Variants in LGMN observed in about 807,000 individuals in gnomAD.
LGMN encodes legumain, also known as asparaginyl endopeptidase.
LGMN carries 36 observed loss-of-function variants against 56.8 expected under a neutral mutation model. The observed-to-expected ratio is 0.63, with a 90% CI of 0.49 to 0.84. LGMN has a LOEUF of 0.84. Among genes scored for constraint, LGMN ranks in the 40% least tolerant of loss-of-function variants. The probability of loss-of-function intolerance (pLI) is 0.00; values close to 1 mark genes in which losing one functional copy is unlikely to be tolerated. For synonymous variants in LGMN, 199 were observed against 210.1 expected, an observed-to-expected ratio of 0.95 and a Z score of 0.46; for missense variants, 446 against 556.1, an observed-to-expected ratio of 0.80 and a Z score of 1.99.
At chr14:92,719,011 A>G (rs1311197612) in intron 2 of LGMN, among the ~76,000 whole-genome samples, 167 bp from the exon 3 acceptor site, 1 of 152,154 alleles carries the variant, frequency 6.6e-6, no homozygotes, top group Non-Finnish European at 1.5e-5. Context: ...TTTTATCTCA[A>G]TTTAAAAAGA....
chr14:92,739,020 A>T (rs574966518), intron 1 of LGMN, among the ~76,000 whole-genome samples: 197 of 151,514 alleles, frequency 1.3e-3, no homozygotes, highest in African/African-American at 4.6e-3. Flanking sequence ...TCTGTCTCAA[A>T]AAAAAAAAAA....
At chr14:92,727,564 G>A (rs1012311999) in intron 2 of LGMN, among the ~76,000 whole-genome samples, 21 of 151,768 alleles carry the variant, frequency 1.4e-4, no homozygotes, top group African/African-American at 4.3e-4. Flanking sequence ...GAAGGCACCC[G>A]ATGTGCTGGC....
rs566759201 is a variant in LGMN, at chr14:92,718,565, C to T, written c.236+182G>A. Among the ~76,000 whole-genome samples the T allele has an allele frequency of 6.7e-4, 101 of 151,632 alleles. 1 individual carries two copies. The highest frequency in any genetic ancestry group is 2.1e-4 in the Non-Finnish European group (14 of 67,968). ...CTCCAGCCTGGGCAACAGAGCAAGA[C>T]TGTCTCAAATAAATAATAATAAAAA... On this transcript the variant is annotated intron_variant, in intron 3 of 13. Transcript: ENST00000334869.
At chr14:92,708,994 G>A (rs1027008176) in intron 11 of LGMN, among the ~76,000 whole-genome samples, 4 of 152,074 alleles carry the variant, frequency 2.6e-5, no homozygotes, top group Middle Eastern at 3.2e-3. Flanking sequence ...GCAGCCCTCT[G>A]CCCAGCATTC....
In LGMN at chr14:92,731,132, G is replaced by A. The variant is rs148802847; in HGVS notation, c.138+1517C>T. Among the ~76,000 whole-genome samples, 604 of 152,164 alleles carry A rather than the reference G, an allele frequency of 4.0e-3. 3 individuals carry two copies. The highest frequency in any genetic ancestry group is 0.02 in the Middle Eastern group (6 of 294). ...TGCCTATGCCTCAGTCCAATCATTC[G>A]TAAAGAGGGAGTAAGAACTGGACCA... On this transcript the variant is annotated intron_variant, in intron 2 of 13. Transcript: ENST00000334869.
At chr14:92,741,299 C>A (rs1256289144) in intron 1 of LGMN, 1 of 152,114 alleles carries the variant, frequency 6.6e-6, no homozygotes, top group Non-Finnish European at 1.5e-5. Context: ...TAAATTATCA[C>A]CAACAATGCA....
intron 1 of LGMN, among the ~76,000 whole-genome samples, chr14:92,740,485 C>T (rs139837872): frequency 3.3e-5 from 5 of 152,312 alleles, no homozygotes; most frequent in African/African-American, 7.2e-5. Context: ...GCTGGGACCA[C>T]GCAGATCTGA....
chr14:92,707,655 G>T (rs1889511511), intron 11 of LGMN, among the ~76,000 whole-genome samples: 1 of 152,134 alleles, frequency 6.6e-6, no homozygotes, highest in Non-Finnish European at 1.5e-5. Context: ...AAATATATTA[G>T]TGTAAAATGT....
intron 11 of LGMN, among the ~76,000 whole-genome samples, chr14:92,709,030 A>G (rs1032948070): frequency 1.3e-5 from 2 of 152,178 alleles, no homozygotes; most frequent in African/African-American, 2.4e-5. Context: ...TGTAATTTAC[A>G]TAGCAATTCT....
At position 92,719,122 on chromosome 14, in the gene LGMN, ACCACAACCACCGCCACCG is replaced by A. The variant is rs1384779539; in HGVS notation, c.139-296_139-279del. ...CACACGTGCACATACACACCCCACC[ACCACAACCACCGCCACCG>A]CCACCACCACCGCCACTGCCACCAC... On this transcript the variant is annotated intron_variant, in intron 2 of 13. Transcript: ENST00000334869. 3.3e-5 allele frequency among the ~76,000 whole-genome samples: 5 copies of A among 150,000 alleles called. No homozygotes were observed. The East Asian group carries it at 7.8e-4, about 23-fold the overall frequency.
chr14:92,704,561 C>T, intron 13 of LGMN, 79 bp downstream of exon 13: 1 of 1,287,490 alleles, frequency 7.8e-7, no homozygotes, highest in Non-Finnish European at 1.1e-6. Flanking sequence ...TGAAAATGCC[C>T]ACTTGCAGAA....
intron 12 of LGMN, 79 bp from the exon 13 acceptor site, chr14:92,704,786 G>T: frequency 9.0e-7 from 1 of 1,115,486 alleles, no homozygotes. Context: ...TTGCAGAGGG[G>T]AAGCATCTTG....
chr14:92,708,861 A>AAAAAAAT (rs1881724135), intron 11 of LGMN, among the ~76,000 whole-genome samples: 1 of 103,550 alleles, frequency 9.7e-6, no homozygotes, highest in African/African-American at 4.1e-5. Context: ...TGTCTCAAAA[A>AAAAAAAT]AAAAAAAAAA....
chr14:92,735,501 C>T (rs549717529), intron 1 of LGMN, among the ~76,000 whole-genome samples: 1 of 152,310 alleles, frequency 6.6e-6, no homozygotes, highest in Non-Finnish European at 1.5e-5. Context: ...GTCACCGCAC[C>T]TGGCCATGAG....
intron 5 of LGMN, chr14:92,715,653 G>A (rs1326213686): frequency 6.5e-6 from 1 of 152,732 alleles, no homozygotes. Flanking sequence ...CTAGCCCACA[G>A]CCAGTGGGGG....
chr14:92,706,155 T>C (rs1324864251), intron 12 of LGMN, among the ~76,000 whole-genome samples: 1 of 152,054 alleles, frequency 6.6e-6, no homozygotes, highest in African/African-American at 2.4e-5. Context: ...GGAGAAGATG[T>C]GTGTGGCTCG....
At chr14:92,712,158 G>A (rs1889815916) in intron 8 of LGMN, among the ~76,000 whole-genome samples, 1 of 152,172 alleles carries the variant, frequency 6.6e-6, no homozygotes, top group South Asian at 2.1e-4. Context: ...GAAGAAAGAG[G>A]AGCCAGCTGG....
At chr14:92,719,691 A>G (rs1253477422) in intron 2 of LGMN, among the ~76,000 whole-genome samples, 1 of 152,254 alleles carries the variant, frequency 6.6e-6, no homozygotes, top group African/African-American at 2.4e-5. Context: ...AAAAATAACA[A>G]GAATACAAAG....
chr14:92,711,267 G>A (rs1387962664), intron 10 of LGMN, among the ~76,000 whole-genome samples: 2 of 152,224 alleles, frequency 1.3e-5, no homozygotes, highest in Non-Finnish European at 2.9e-5. Flanking sequence ...GGTGCAGAGT[G>A]GCTGTGGGAC....
Sources: gnomAD v4.1 joint callset for allele counts (sites outside exome capture counted in the v4.1 genomes callset) on GRCh38, gnomAD v4.1.1 for gene constraint, MANE v1.5 for transcripts, NCBI Gene and HGNC (gene_info 2026-07-23, HGNC 2026-07-21) for gene names.